The following LGSN variants were observed in gnomAD, a reference collection of about 807,000 sequenced individuals.
The protein encoded by LGSN is lengsin, lens protein with glutamine synthetase domain.
LGSN carries 21 observed loss-of-function variants against 19.5 expected under a neutral mutation model. The observed-to-expected ratio is 1.07, with a 90% CI of 0.76 to 1.55. The LOEUF (loss-of-function observed/expected upper bound fraction) is 1.55, where lower values mean the gene tolerates loss of function less well. Among genes scored for constraint, LGSN ranks in the 40% most tolerant of loss-of-function variants. LGSN has a pLI of 0.00. For synonymous variants in LGSN, 257 were observed against 215.6 expected (o/e 1.19, Z -1.68); for missense variants, 673 against 608.5 (o/e 1.11, Z -1.12).
chr6:63,436,193 C>T, the LGSN span, among the ~76,000 whole-genome samples: 2 of 152,214 alleles, frequency 1.3e-5, no homozygotes, highest in African/African-American at 4.8e-5. Flanking sequence ...TTCTTCAGAA[C>T]TTTTATTAGC....
chr6:63,332,303 G>A, the LGSN span, among the ~76,000 whole-genome samples: 1 of 152,166 alleles, frequency 6.6e-6, no homozygotes, highest in Admixed American at 6.5e-5. Flanking sequence ...TTAGAAGCAG[G>A]TCTAACCTCA....
the LGSN span, among the ~76,000 whole-genome samples, chr6:63,513,745 T>C: frequency 6.6e-6 from 1 of 151,720 alleles, no homozygotes; most frequent in Non-Finnish European, 1.5e-5. Context: ...ACCCCGTCTC[T>C]ACTAAAAATA....
the LGSN span, among the ~76,000 whole-genome samples, chr6:63,417,570 G>A: frequency 2.0e-5 from 3 of 152,306 alleles, no homozygotes; most frequent in African/African-American, 7.2e-5. Flanking sequence ...AATAGCAGAT[G>A]TAATTTCTGT....
the LGSN span, among the ~76,000 whole-genome samples, chr6:63,563,670 CTGGCAT>C: frequency 2.0e-5 from 3 of 152,152 alleles, no homozygotes; most frequent in East Asian, 5.8e-4. Flanking sequence ...AGCAGAGTGC[CTGGCAT>C]ATGCTAGGCA....
intron 1 of LGSN, among the ~76,000 whole-genome samples, chr6:63,308,936 T>G (rs1261365905): frequency 6.6e-6 from 1 of 152,254 alleles, no homozygotes; most frequent in Non-Finnish European, 1.5e-5. Flanking sequence ...CACAAACTTG[T>G]ATTAATTACT....
chr6:63,353,392 T>C, the LGSN span, among the ~76,000 whole-genome samples: 1 of 152,086 alleles, frequency 6.6e-6, no homozygotes, highest in African/African-American at 2.4e-5. Context: ...CTGGCAACAG[T>C]GCCTTCCTGG....
chr6:63,352,566 C>A, the LGSN span, among the ~76,000 whole-genome samples: 2 of 151,890 alleles, frequency 1.3e-5, no homozygotes, highest in African/African-American at 4.8e-5. Flanking sequence ...GAGGCTGAGG[C>A]GGGAAGATTG....
At chr6:63,333,611 G>A in the LGSN span, among the ~76,000 whole-genome samples, 5 of 133,832 alleles carry the variant, frequency 3.7e-5, no homozygotes, top group African/African-American at 1.6e-4. Context: ...GGGAGGGAAG[G>A]GAGGGAGGGA....
the LGSN span, among the ~76,000 whole-genome samples, chr6:63,470,826 G>A: frequency 6.6e-6 from 1 of 151,500 alleles, no homozygotes; most frequent in African/African-American, 2.4e-5. Context: ...CTTCAAGACA[G>A]AAATAAGTGT....
At chr6:63,501,216 AC>A in the LGSN span, among the ~76,000 whole-genome samples, 2 of 152,084 alleles carry the variant, frequency 1.3e-5, no homozygotes, top group African/African-American at 4.8e-5. Context: ...TATTAAAAAT[AC>A]AAAAAATTAG....
the LGSN span, among the ~76,000 whole-genome samples, chr6:63,400,005 C>G: frequency 6.6e-6 from 1 of 152,068 alleles, no homozygotes; most frequent in African/African-American, 2.4e-5. Flanking sequence ...TGTTCTTAAC[C>G]TAGACTTAAT....
At chr6:63,323,890 G>GA, upstream of LGSN, among the ~76,000 whole-genome samples, 1 of 150,810 alleles carries the variant, frequency 6.6e-6, no homozygotes, top group East Asian at 2.0e-4. Context: ...TCCTGCCTCA[G>GA]CCTCCCAGAT....
chr6:63,341,209 G>T, the LGSN span, among the ~76,000 whole-genome samples: 1 of 152,122 alleles, frequency 6.6e-6, no homozygotes, highest in African/African-American at 2.4e-5. Flanking sequence ...TGATCCTCAG[G>T]CCCCTAGATG....
the LGSN span, among the ~76,000 whole-genome samples, chr6:63,431,846 C>A: frequency 6.6e-6 from 1 of 151,102 alleles, no homozygotes; most frequent in Non-Finnish European, 1.5e-5. Context: ...GCAGGCGAAT[C>A]ACTTGAGGTC....
the LGSN span, among the ~76,000 whole-genome samples, chr6:63,326,495 C>G: frequency 1.3e-5 from 2 of 152,184 alleles, no homozygotes; most frequent in African/African-American, 2.4e-5. Flanking sequence ...CACTGTGGAG[C>G]AGGGGGTGGC....
chr6:63,437,704 G>A, the LGSN span, among the ~76,000 whole-genome samples: 85 of 152,120 alleles, frequency 5.6e-4, no homozygotes, highest in Middle Eastern at 3.4e-3. Flanking sequence ...AGGCTGAGGC[G>A]GGCGGATTTG....
At chr6:63,571,415 T>A in the LGSN span, 1 of 152,186 alleles carries the variant, frequency 6.6e-6, no homozygotes, top group Non-Finnish European at 1.5e-5. Context: ...TCTCCAGAGC[T>A]GAGGAGAAAG....
At chr6:63,363,612 C>G in the LGSN span, among the ~76,000 whole-genome samples, 1 of 151,972 alleles carries the variant, frequency 6.6e-6, no homozygotes, top group South Asian at 2.1e-4. Context: ...GATTGAAGAT[C>G]AAATGAATGA....
At chr6:63,349,439 C>G in the LGSN span, among the ~76,000 whole-genome samples, 1 of 152,182 alleles carries the variant, frequency 6.6e-6, no homozygotes, top group Non-Finnish European at 1.5e-5. Context: ...AAACATTAAT[C>G]TAGGTGTTGC....
Sources: gnomAD v4.1 joint callset for allele counts (sites outside exome capture counted in the v4.1 genomes callset) on GRCh38, gnomAD v4.1.1 for gene constraint, MANE v1.5 for transcripts, NCBI Gene and HGNC (gene_info 2026-07-23, HGNC 2026-07-21) for gene names.